The following DTWD2 variants were observed in gnomAD, a reference collection of about 807,000 sequenced individuals.
DTWD2 encodes DTW motif tRNA-uridine aminocarboxypropyltransferase 2.
Under a neutral mutation model 31.8 loss-of-function variants are expected in DTWD2, and 39 were observed. That is an observed-to-expected ratio of 1.22 (90% confidence interval 0.95 to 1.60). DTWD2 has a LOEUF of 1.60. Ranked by LOEUF, DTWD2 falls within the 40% of genes most tolerant of loss-of-function variation. The probability of loss-of-function intolerance (pLI) is 0.00; values close to 1 mark genes in which losing one functional copy is unlikely to be tolerated. For missense variants in DTWD2, 515 were observed against 381.5 expected (o/e 1.35, Z -2.92); for synonymous variants, 180 against 142.8 (o/e 1.26, Z -1.86).
intron 1 of DTWD2, among the ~76,000 whole-genome samples, chr5:118,964,003 T>G (rs1258760886): frequency 6.6e-6 from 1 of 152,020 alleles, no homozygotes; most frequent in Non-Finnish European, 1.5e-5. Flanking sequence ...TGAGGTCAGG[T>G]GTTCAAGACC....
intron 4 of DTWD2, among the ~76,000 whole-genome samples, chr5:118,923,501 G>A (rs1464030738): frequency 6.6e-6 from 1 of 152,188 alleles, no homozygotes; most frequent in African/African-American, 2.4e-5. Flanking sequence ...CACACTGCAT[G>A]AGCTCCAAGG....
At chr5:118,893,709 A>G (rs906431812) in intron 4 of DTWD2, among the ~76,000 whole-genome samples, 2 of 152,106 alleles carry the variant, frequency 1.3e-5, no homozygotes, top group Non-Finnish European at 2.9e-5. Context: ...GAGACTGAAA[A>G]AGGAGGAGAA....
intron 4 of DTWD2, among the ~76,000 whole-genome samples, chr5:118,913,436 C>T (rs1355924311): frequency 5.5e-5 from 8 of 145,192 alleles, no homozygotes. Context: ...TATATATACA[C>T]ACACACACAC....
intron 5 of DTWD2, among the ~76,000 whole-genome samples, chr5:118,844,941 A>C (rs1751814355): frequency 6.6e-6 from 1 of 152,094 alleles, no homozygotes; most frequent in African/African-American, 2.4e-5. Context: ...GTTCAAGACC[A>C]ATCTGGGCAA....
intron 4 of DTWD2, among the ~76,000 whole-genome samples, chr5:118,862,876 A>T: frequency 6.6e-6 from 1 of 152,196 alleles, no homozygotes. Flanking sequence ...ACATAACAGG[A>T]AGTCTGATGT....
At position 118,893,105 on chromosome 5, in the gene DTWD2, G is replaced by A. The variant is rs1401033834; in HGVS notation, c.597+35432C>T. 2.6e-5 allele frequency among the ~76,000 whole-genome samples: 4 copies of A among 152,068 alleles called. No individual in the cohort carries two copies. In the East Asian group the frequency reaches 7.7e-4, roughly 29 times the overall value. On this transcript the variant is annotated intron_variant, in intron 4 of 5. Transcript: ENST00000510708. Reference sequence around the variant, plus strand: ...AAGTGGAAATGAAAGGCCAAGCGTGGTGGCTCATGCCTGTAATCCCAGCAC... The same window carrying A: ...AAGTGGAAATGAAAGGCCAAGCGTGATGGCTCATGCCTGTAATCCCAGCAC...
intron 1 of DTWD2, among the ~76,000 whole-genome samples, chr5:118,983,915 T>G (rs1182163541): frequency 6.6e-6 from 1 of 152,108 alleles, no homozygotes; most frequent in African/African-American, 2.4e-5. Flanking sequence ...CTTGGGAGGC[T>G]GAAGCAGGCG....
intron 4 of DTWD2, among the ~76,000 whole-genome samples, chr5:118,899,911 C>G (rs1008711544): frequency 6.6e-6 from 1 of 151,046 alleles, no homozygotes; most frequent in South Asian, 2.1e-4. Flanking sequence ...AAGCGATTCT[C>G]CTGCTTCAGC....
chr5:118,987,935 C>T (rs1755464773), intron 1 of DTWD2, among the ~76,000 whole-genome samples: 1 of 152,192 alleles, frequency 6.6e-6, no homozygotes, highest in Admixed American at 6.5e-5. Context: ...TGCTTTTTAA[C>T]TGTGATATAA....
At chr5:118,874,273 T>C (rs1028734651) in intron 4 of DTWD2, among the ~76,000 whole-genome samples, 2 of 152,182 alleles carry the variant, frequency 1.3e-5, no homozygotes, top group Non-Finnish European at 1.5e-5. Context: ...GCAAGAATGC[T>C]GAAAACTCAT....
intron 4 of DTWD2, among the ~76,000 whole-genome samples, chr5:118,852,519 C>T (rs1296119076): frequency 1.3e-5 from 2 of 152,082 alleles, no homozygotes; most frequent in Non-Finnish European, 2.9e-5. Context: ...CAATGAGATA[C>T]CACCTCACAC....
intron 5 of DTWD2, among the ~76,000 whole-genome samples, chr5:118,841,528 G>A (rs1751713503): frequency 6.6e-6 from 1 of 152,182 alleles, no homozygotes; most frequent in Admixed American, 6.5e-5. Context: ...GATGATGGCA[G>A]CAATGGGTAA....
At chr5:118,951,644 G>A (rs1754467451) in intron 1 of DTWD2, among the ~76,000 whole-genome samples, 1 of 152,164 alleles carries the variant, frequency 6.6e-6, no homozygotes, top group African/African-American at 2.4e-5. Context: ...TAGGTCAGGT[G>A]TGAGTTGAAG....
chr5:118,985,414 T>C (rs906547041), intron 1 of DTWD2, among the ~76,000 whole-genome samples: 1 of 148,888 alleles, frequency 6.7e-6, no homozygotes, highest in Admixed American at 6.8e-5. Flanking sequence ...CTATAACACC[T>C]TACATATACC....
intron 1 of DTWD2, among the ~76,000 whole-genome samples, chr5:118,976,210 T>C (rs1297082583): frequency 6.6e-6 from 1 of 152,216 alleles, no homozygotes; most frequent in African/African-American, 2.4e-5. Context: ...GGGAAATTTA[T>C]AGTACTAAAT....
Position 118,919,443 on chromosome 5 carries a change from C to A in DTWD2, c.597+9094G>T, listed in dbSNP as rs542453234. ...ACTAATGGCTTCTTTAGGTCTACCA[C>A]CTTTAGAATGTGAACAAATGGCTCT... On this transcript the variant is annotated intron_variant, in intron 4 of 5. Transcript: ENST00000510708. Among the ~76,000 whole-genome samples, 3 of 152,304 alleles carry A rather than the reference C, an allele frequency of 2.0e-5. No homozygotes were observed. In the East Asian group the frequency reaches 5.8e-4, roughly 29 times the overall value.
At chr5:118,850,591 T>C (rs920572279) in intron 4 of DTWD2, among the ~76,000 whole-genome samples, 2 of 150,926 alleles carry the variant, frequency 1.3e-5, no homozygotes, top group Non-Finnish European at 1.5e-5. Flanking sequence ...TAATACCCTC[T>C]GGATATCAAC....
chr5:118,970,299 C>A (rs1754955102), intron 1 of DTWD2, among the ~76,000 whole-genome samples: 1 of 152,158 alleles, frequency 6.6e-6, no homozygotes, highest in African/African-American at 2.4e-5. Flanking sequence ...TGGTGGTGTG[C>A]ACCTATAATT....
At chr5:118,971,065 G>A (rs183333910) in intron 1 of DTWD2, among the ~76,000 whole-genome samples, 1 of 152,260 alleles carries the variant, frequency 6.6e-6, no homozygotes, top group African/African-American at 2.4e-5. Flanking sequence ...ACACTACAAA[G>A]CAACCACATA....
Sources: gnomAD v4.1 joint callset for allele counts (sites outside exome capture counted in the v4.1 genomes callset) on GRCh38, gnomAD v4.1.1 for gene constraint, MANE v1.5 for transcripts, NCBI Gene and HGNC (gene_info 2026-07-23, HGNC 2026-07-21) for gene names.